Variants in HMOX2 observed in about 807,000 individuals in gnomAD.
HMOX2 encodes the protein heme oxygenase 2.
Under a neutral mutation model 33.7 loss-of-function variants are expected in HMOX2, and 30 were observed. That is an observed-to-expected ratio of 0.89 (90% CI 0.67 to 1.21). The LOEUF is 1.21. Ranked by LOEUF, HMOX2 falls within the 50% of genes most tolerant of loss-of-function variation. The pLI, the probability that HMOX2 is intolerant of heterozygous loss-of-function variation, is 0.00. For missense variants in HMOX2, 403 were observed against 399.1 expected, an observed-to-expected ratio of 1.01 and a Z score of -0.08; for synonymous variants, 155 against 155.0, an observed-to-expected ratio of 1.00 and a Z score of 0.00.
intron 1 of HMOX2, among the ~76,000 whole-genome samples, chr16:4,480,443 C>G (rs2057993133): frequency 6.9e-6 from 1 of 144,764 alleles, no homozygotes; most frequent in Admixed American, 7.0e-5. Flanking sequence ...CTCCTGGGTT[C>G]AAGTGATTCT....
chr16:4,480,004 G>A (rs2057976490), intron 1 of HMOX2, among the ~76,000 whole-genome samples: 1 of 151,626 alleles, frequency 6.6e-6, no homozygotes, highest in Non-Finnish European at 1.5e-5. Context: ...CTCCCAAAGT[G>A]CTGGGGTTAT....
chr16:4,476,397 C>T (rs552985072), upstream of HMOX2: 2 of 152,284 alleles, frequency 1.3e-5, no homozygotes, highest in Non-Finnish European at 2.9e-5. Flanking sequence ...CGCGCCAGTC[C>T]GCTGGGCTGC....
intron 4 of HMOX2, 101 bp downstream of exon 4, chr16:4,508,305 G>T (rs773893843): frequency 7.4e-7 from 1 of 1,344,754 alleles, no homozygotes; most frequent in South Asian, 1.4e-5. Flanking sequence ...CATTAGGACA[G>T]ATGAGCTGCA....
At chr16:4,495,787 G>C (rs1219437762) in intron 1 of HMOX2, 1 of 152,176 alleles carries the variant, frequency 6.6e-6, no homozygotes, top group Non-Finnish European at 1.5e-5. Flanking sequence ...ATGGCAGTGG[G>C]TGCTATAGAG....
intron 1 of HMOX2, among the ~76,000 whole-genome samples, chr16:4,477,887 C>T (rs1242286583): frequency 1.3e-5 from 2 of 152,076 alleles, no homozygotes; most frequent in East Asian, 3.9e-4. Flanking sequence ...CATCACTGCA[C>T]TCCAGCCTGG....
At chr16:4,499,098 G>T (rs751720106) in intron 1 of HMOX2, among the ~76,000 whole-genome samples, 17 of 152,198 alleles carry the variant, frequency 1.1e-4, no homozygotes, top group Non-Finnish European at 1.9e-4. Context: ...GGTGTGACCT[G>T]CCCAGAACTA....
At chr16:4,482,083 G>A (rs946402286) in intron 1 of HMOX2, among the ~76,000 whole-genome samples, 1 of 152,124 alleles carries the variant, frequency 6.6e-6, no homozygotes, top group Non-Finnish European at 1.5e-5. Context: ...GGTTGGCTTG[G>A]TAATAGCAGG....
chr16:4,509,277 C>A, intron 4 of HMOX2, 135 bp from the exon 5 acceptor site: 1 of 1,118,952 alleles, frequency 8.9e-7, no homozygotes, highest in Non-Finnish European at 1.3e-6. Flanking sequence ...GAGTTTGAGG[C>A]TGCAGTGAGT....
At chr16:4,506,828 T>C (rs2058705184) in intron 2 of HMOX2, 67 bp from the exon 3 acceptor site, 1 of 1,192,870 alleles carries the variant, frequency 8.4e-7, no homozygotes, top group Non-Finnish European at 1.3e-6. Context: ...CAATCTTCTC[T>C]CTATGGTCCT....
intron 1 of HMOX2, among the ~76,000 whole-genome samples, chr16:4,490,896 A>G (rs949927923): frequency 1.3e-5 from 2 of 151,982 alleles, no homozygotes; most frequent in Non-Finnish European, 2.9e-5. Flanking sequence ...TTTGGGCTAG[A>G]TTGTTTGTGG....
intron 1 of HMOX2, among the ~76,000 whole-genome samples, chr16:4,484,375 T>C (rs2058110393): frequency 1.3e-5 from 2 of 151,934 alleles, no homozygotes; most frequent in Non-Finnish European, 2.9e-5. Context: ...GAAGTATATA[T>C]AGTTATCCCT....
At chr16:4,496,331 CCAGGCTGCTCTCGAACT>C (rs1255141887) in intron 1 of HMOX2, 1 of 152,064 alleles carries the variant, frequency 6.6e-6, no homozygotes, top group Non-Finnish European at 1.5e-5. Context: ...ACCATGTTGG[CCAGGCTGCTCTCGAACT>C]CCTGACCTCA....
At chr16:4,486,017 C>A (rs1268799190) in intron 1 of HMOX2, among the ~76,000 whole-genome samples, 2 of 152,220 alleles carry the variant, frequency 1.3e-5, no homozygotes, top group African/African-American at 4.8e-5. Context: ...AGCCACCATG[C>A]CTGGCCACAG....
intron 1 of HMOX2, among the ~76,000 whole-genome samples, chr16:4,500,546 C>T (rs1405736994): frequency 6.6e-6 from 1 of 152,188 alleles, no homozygotes; most frequent in African/African-American, 2.4e-5. Context: ...GCAACCTGCT[C>T]TCTTCCTTCA....
chr16:4,487,754 C>T (rs538262712), intron 1 of HMOX2, among the ~76,000 whole-genome samples: 12 of 148,022 alleles, frequency 8.1e-5, no homozygotes, highest in Non-Finnish European at 1.5e-4. Flanking sequence ...GAGCTGAGAA[C>T]ACCAGCCTGG....
intron 1 of HMOX2, among the ~76,000 whole-genome samples, chr16:4,505,097 A>C (rs987353740): frequency 6.6e-6 from 1 of 151,960 alleles, no homozygotes; most frequent in Non-Finnish European, 1.5e-5. Flanking sequence ...AGTGTCCCCC[A>C]CCCTGCAGCA....
At chr16:4,497,112 C>CT (rs1021568225) in intron 1 of HMOX2, among the ~76,000 whole-genome samples, 34 of 152,142 alleles carry the variant, frequency 2.2e-4, no homozygotes, top group Non-Finnish European at 4.3e-4. Context: ...TAATCACCTA[C>CT]TTTTTTTCCC....
chr16:4,476,349 G>GC (rs2057832279), upstream of HMOX2: 1 of 152,276 alleles, frequency 6.6e-6, no homozygotes, highest in South Asian at 2.1e-4. Flanking sequence ...TCATCTCTAG[G>GC]CCCCGCCCCG....
At position 4,508,224 on chromosome 16, in the gene HMOX2, G is replaced by C; in HGVS notation, c.696+20G>C. ...ATGCAGGTACTATTGGGGGCTGCCA[G>C]CTGCTAGGGCTGAAGAGGGAAACTT... On this transcript the variant is annotated intron_variant, in intron 4 of 5. Transcript: ENST00000570646. 6.3e-7 allele frequency: 1 copy of C among 1,575,512 alleles called. No individual in the cohort carries two copies. Among genetic ancestry groups the C allele is most frequent in the Non-Finnish European group, 8.6e-7 (1 of 1,160,868 alleles).
Sources: allele counts gnomAD v4.1 joint callset (sites outside exome capture counted in the v4.1 genomes callset), GRCh38; gene constraint gnomAD v4.1.1; transcripts MANE v1.5; gene names NCBI Gene and HGNC (gene_info 2026-07-23, HGNC 2026-07-21).